The following TEX36 variants were observed in gnomAD, a reference collection of about 807,000 sequenced individuals.
TEX36 encodes testis expressed 36.
Under a neutral mutation model 13.6 loss-of-function variants are expected in TEX36, and 12 were observed. The ratio of observed to expected loss-of-function variants is 0.88; its 90% CI spans 0.56 to 1.43. The LOEUF (loss-of-function observed/expected upper bound fraction) is 1.43. Ranked by LOEUF, TEX36 falls within the 40% of genes most tolerant of loss-of-function variation. TEX36 has a pLI of 0.00. For synonymous variants in TEX36, 93 were observed against 83.0 expected (o/e 1.12, Z -0.65); for missense variants, 224 against 228.3 (o/e 0.98, Z 0.12).
At chr10:125,615,216 T>A (rs968457360) in intron 3 of TEX36, among the ~76,000 whole-genome samples, 2 of 152,104 alleles carry the variant, frequency 1.3e-5, no homozygotes, top group African/African-American at 4.8e-5. Flanking sequence ...TATACAATCA[T>A]GTCATCTGCA....
chr10:125,608,951 A>G (rs1846251873), intron 3 of TEX36, among the ~76,000 whole-genome samples: 1 of 147,186 alleles, frequency 6.8e-6, no homozygotes, highest in Admixed American at 6.9e-5. Context: ...CCTGGCCAAC[A>G]TGGTGAAACC....
chr10:125,616,650 C>A (rs367961597), downstream of TEX36, among the ~76,000 whole-genome samples: 3,656 of 106,764 alleles, frequency 0.034, 68 homozygotes, highest in South Asian at 0.13. Flanking sequence ...GTCTGAGAGA[C>A]AGTTTGTTAT....
At chr10:125,671,994 C>A (rs1051424806) in intron 1 of TEX36, among the ~76,000 whole-genome samples, 5 of 151,734 alleles carry the variant, frequency 3.3e-5, no homozygotes, top group Non-Finnish European at 7.4e-5. Context: ...TATCATTTTT[C>A]ATTGTGTCTA....
At chr10:125,589,497 A>G (rs1368098419) in intron 3 of TEX36, among the ~76,000 whole-genome samples, 1 of 152,152 alleles carries the variant, frequency 6.6e-6, no homozygotes, top group African/African-American at 2.4e-5. Context: ...TGAGATGGAT[A>G]CTCTACTATT....
At chr10:125,671,137 T>C (rs1847220548) in intron 1 of TEX36, among the ~76,000 whole-genome samples, 1 of 152,216 alleles carries the variant, frequency 6.6e-6, no homozygotes. Flanking sequence ...TTCTCTTGCC[T>C]GATTGTCCTG....
chr10:125,600,675 A>G (rs1846134902), intron 3 of TEX36, among the ~76,000 whole-genome samples: 1 of 152,192 alleles, frequency 6.6e-6, no homozygotes, highest in Non-Finnish European at 1.5e-5. Flanking sequence ...ACAACCCTCT[A>G]TGCAATGGCC....
chr10:125,646,331 C>A (rs1004259781), intron 3 of TEX36, among the ~76,000 whole-genome samples: 2 of 151,838 alleles, frequency 1.3e-5, no homozygotes, highest in Non-Finnish European at 2.9e-5. Context: ...GTCTCAAGAC[C>A]AACAAAACAA....
chr10:125,596,640 T>G (rs1156595425), intron 3 of TEX36, among the ~76,000 whole-genome samples: 1 of 152,220 alleles, frequency 6.6e-6, no homozygotes, highest in East Asian at 1.9e-4. Flanking sequence ...TTTGTGGCAA[T>G]TTTTTACAGC....
intron 3 of TEX36, among the ~76,000 whole-genome samples, chr10:125,636,299 G>A (rs1469939418): frequency 1.7e-4 from 26 of 149,938 alleles, no homozygotes; most frequent in Admixed American, 1.6e-3. Context: ...TCCGCCTCCC[G>A]GGTTCACGCC....
At chr10:125,619,059 G>T (rs2133558219), downstream of TEX36, among the ~76,000 whole-genome samples, 2 of 151,574 alleles carry the variant, frequency 1.3e-5, no homozygotes, top group Non-Finnish European at 2.9e-5. Context: ...GAACCCGGGA[G>T]GTGGAGCTTG....
intron 1 of TEX36, among the ~76,000 whole-genome samples, chr10:125,665,069 G>T (rs577687306): frequency 1.3e-5 from 2 of 151,834 alleles, no homozygotes; most frequent in African/African-American, 4.8e-5. Flanking sequence ...GAATTACTTG[G>T]TTTTTTGGTT....
chr10:125,609,643 G>C (rs776874594), intron 3 of TEX36, among the ~76,000 whole-genome samples: 7 of 152,218 alleles, frequency 4.6e-5, no homozygotes, highest in Admixed American at 2.6e-4. Context: ...GCTGTGAAGA[G>C]AGAACTTTGC....
At chr10:125,592,087 C>A (rs1403005477) in intron 3 of TEX36, among the ~76,000 whole-genome samples, 1 of 152,194 alleles carries the variant, frequency 6.6e-6, no homozygotes, top group Non-Finnish European at 1.5e-5. Context: ...TATTTCAGAG[C>A]TTGGAAAAAC....
At chr10:125,584,184 C>G (rs1174352071) in intron 3 of TEX36, among the ~76,000 whole-genome samples, 1 of 152,230 alleles carries the variant, frequency 6.6e-6, no homozygotes, top group Non-Finnish European at 1.5e-5. Context: ...GGACAGCTAC[C>G]AGACTAGGGC....
intron 3 of TEX36, among the ~76,000 whole-genome samples, chr10:125,639,634 G>A (rs945756984): frequency 3.3e-5 from 5 of 152,026 alleles, no homozygotes; most frequent in Admixed American, 3.3e-4. Flanking sequence ...GGTGGGAGGG[G>A]CTGTGGCCAT....
In TEX36 at chr10:125,676,558, A is replaced by T. The variant is rs192794369; in HGVS notation, c.51+6381T>A. Among the ~76,000 whole-genome samples the T allele has an allele frequency of 6.9e-3, 1,042 of 151,194 alleles. 43 individuals are homozygous for T. The East Asian group carries it at 0.093, about 13-fold the overall frequency. ...CATATAGTTGGATCTTTTTTTTTTT[A>T]AATTCCATTCAGCCAGCCATTCTGT... On this transcript the variant is annotated intron_variant, in intron 1 of 3. Coordinates refer to ENST00000368821, the MANE Select transcript of TEX36 (RefSeq NM_001128202.3).
intron 3 of TEX36, among the ~76,000 whole-genome samples, chr10:125,603,460 G>A (rs942441109): frequency 6.6e-6 from 1 of 151,052 alleles, no homozygotes; most frequent in South Asian, 2.1e-4. Flanking sequence ...CCTTGCCCCC[G>A]CCACCCAGTG....
chr10:125,586,335 C>A (rs1263477302), intron 3 of TEX36, among the ~76,000 whole-genome samples: 4 of 152,088 alleles, frequency 2.6e-5, no homozygotes, highest in African/African-American at 9.7e-5. Flanking sequence ...AATGAACAAC[C>A]TAGATAGACA....
chr10:125,586,530 C>T (rs1400058278), intron 3 of TEX36, among the ~76,000 whole-genome samples: 1 of 151,244 alleles, frequency 6.6e-6, no homozygotes, highest in Admixed American at 6.6e-5. Context: ...TGGCTCTTGC[C>T]CGTACTTCCA....
Sources: gnomAD v4.1 joint callset for allele counts (sites outside exome capture counted in the v4.1 genomes callset) on GRCh38, gnomAD v4.1.1 for gene constraint, MANE v1.5 for transcripts, NCBI Gene and HGNC (gene_info 2026-07-23, HGNC 2026-07-21) for gene names.